Variants in ZNF566 observed in about 807,000 individuals in gnomAD.
ZNF566 encodes the protein zinc finger protein 566.
Under a neutral mutation model 32.8 loss-of-function variants are expected in ZNF566, and 27 were observed. The observed-to-expected ratio is 0.82, with a 90% CI of 0.61 to 1.14. ZNF566 has a LOEUF of 1.14. ZNF566 is among the 50% of genes most tolerant of loss of function. ZNF566 has a pLI of 0.00. For missense variants in ZNF566, 402 were observed against 490.4 expected (o/e 0.82, Z 1.70); for synonymous variants, 154 against 159.5 (o/e 0.97, Z 0.26).
At chr19:36,468,204 A>T (rs1430550857) in intron 4 of ZNF566, among the ~76,000 whole-genome samples, 1 of 151,302 alleles carries the variant, frequency 6.6e-6, no homozygotes, top group Non-Finnish European at 1.5e-5. Context: ...AAAAAAAAAA[A>T]ATTAAAGTTT....
In ZNF566 at chr19:36,447,829, C is replaced by T. The variant is rs1050028552; in HGVS notation, c.*1148G>A. ...ATGGGAAATTTTCTTAACTTGTTAC[C>T]TTCAAAGGGTCTTTCTTCAGTCAAA... On this transcript the variant is annotated 3_prime_UTR_variant, in exon 5 of 5. Transcript: ENST00000452939. 4.6e-5 allele frequency: 7 copies of T among 152,024 alleles called. No individual in the cohort carries two copies. The highest frequency in any genetic ancestry group is 7.4e-5 in the Non-Finnish European group (5 of 68,008). 9.4% of individuals were successfully genotyped at this position (152,024 alleles called of 1,614,324 possible).
At chr19:36,456,652 A>G (rs2033323160) in intron 4 of ZNF566, 1 of 152,132 alleles carries the variant, frequency 6.6e-6, no homozygotes, top group South Asian at 2.1e-4. Flanking sequence ...TGATGGGTGC[A>G]GCAAACCACC....
rs1470531598 is a variant in ZNF566, at chr19:36,446,976, A to C, written c.*2001T>G. 6.7e-6 allele frequency: 1 copy of C among 150,218 alleles called. No homozygotes were observed. Among genetic ancestry groups the C allele is most frequent in the Non-Finnish European group, 1.5e-5 (1 of 67,804 alleles). 9.3% of individuals were successfully genotyped at this position (150,218 alleles called of 1,614,324 possible). On this transcript the variant is annotated 3_prime_UTR_variant, in exon 5 of 5. Coordinates refer to ENST00000452939, the MANE Select transcript of ZNF566 (RefSeq NM_001145344.1). ...CATGTTTTGAGCACAGGGAAGGCCC[A>C]TTTCAAAACACTAACTTAACCCCAA... is the stretch of plus-strand genomic sequence containing the variant.
intron 4 of ZNF566, among the ~76,000 whole-genome samples, chr19:36,450,341 A>G (rs182400372): frequency 6.6e-6 from 1 of 152,314 alleles, no homozygotes; most frequent in Admixed American, 6.5e-5. Flanking sequence ...ATCTCATAGT[A>G]TGAATTATAA....
chr19:36,468,185 C>CAA (rs34868021), intron 4 of ZNF566, among the ~76,000 whole-genome samples: 1 of 101,550 alleles, frequency 9.8e-6, no homozygotes, highest in Non-Finnish European at 2.0e-5. Flanking sequence ...AACTCTGCCT[C>CAA]AAAAAAAAAA....
chr19:36,484,593 T>TG lies in ZNF566; in HGVS notation c.-60+4892_-60+4893insC, dbSNP rs1388478945. 1.0e-4 allele frequency among the ~76,000 whole-genome samples: 15 copies of TG among 144,300 alleles called. No homozygotes were observed. In the East Asian group the frequency reaches 2.6e-3, roughly 25 times the overall value. 94.7% of individuals were successfully genotyped at this position (144,300 alleles called of 152,430 possible). ...TAGGATTTTGGCATAGTTTCTTTTT[T>TG]TTTTTTTTTTTTTTGAGATGGAGTC... On this transcript the variant is annotated intron_variant, in intron 1 of 4. Coordinates refer to ENST00000452939, the MANE Select transcript of ZNF566 (RefSeq NM_001145344.1).
At chr19:36,482,792 T>C (rs1268489445) in intron 1 of ZNF566, among the ~76,000 whole-genome samples, 2 of 152,198 alleles carry the variant, frequency 1.3e-5, no homozygotes, top group Admixed American at 6.5e-5. Flanking sequence ...CAATTCTCCA[T>C]GGGTCTTGCA....
At chr19:36,482,370 G>A (rs1263699357) in intron 1 of ZNF566, among the ~76,000 whole-genome samples, 3 of 151,890 alleles carry the variant, frequency 2.0e-5, no homozygotes. Context: ...CTCCCAAAGT[G>A]TTGGGATTAC....
At position 36,449,185 on chromosome 19, in the gene ZNF566, G is replaced by A. The variant is rs1270180261; in HGVS notation, c.1049C>T (p.Ser350Phe). ...CTGATGTCTAGTAAGGTCTGAGCCA[G>A]AACGAAAAGCCTTTTCACATTCCTT... ...ECKECEKAFR[S>F]GSDLTRHQRI... Residue 350 changes from serine to phenylalanine, a missense_variant, in exon 5 of 5, where the codon TCT (serine) becomes TTT (phenylalanine). This residue lies in a region of ZNF566 where 135 missense variants were observed against 210.0 expected (regional missense o/e 0.64). Coordinates refer to ENST00000452939, the MANE Select transcript of ZNF566 (RefSeq NM_001145344.1). 1.2e-6 allele frequency: 2 copies of A among 1,613,140 alleles called. No homozygotes were observed. The highest frequency in any genetic ancestry group is 2.7e-5 in the African/African-American group (2 of 74,660).
At chr19:36,477,549 G>GT (rs2033925365) in intron 1 of ZNF566, among the ~76,000 whole-genome samples, 1 of 118,838 alleles carries the variant, frequency 8.4e-6, no homozygotes, top group Non-Finnish European at 1.7e-5. Flanking sequence ...TTGTTTGTTT[G>GT]TTTTTTTGAG....
At position 36,449,585 on chromosome 19, in the gene ZNF566, G is replaced by C; in HGVS notation, c.649C>G (p.His217Asp). 1 of 1,614,156 alleles carries C rather than the reference G, an allele frequency of 6.2e-7. No individual in the cohort carries two copies. Among genetic ancestry groups the C allele is most frequent in the South Asian group, 1.1e-5 (1 of 91,080 alleles). ...SFRHPSRLTH[H>D]QKIHTGKKPF... Reference sequence around the variant, plus strand: ...TTCTTGCCAGTATGAATTTTCTGATGATGAGTGAGTCTTGAGGGATGTCTA... The same window carrying C: ...TTCTTGCCAGTATGAATTTTCTGATCATGAGTGAGTCTTGAGGGATGTCTA... The change falls in exon 5 of 5, where the codon CAT becomes GAT. Residue 217 changes from histidine to aspartate, a missense_variant. Around this residue, in one of 3 missense-constraint regions of ZNF566, gnomAD observed 135 missense variants for 210.0 expected, o/e 0.64. Coordinates refer to ENST00000452939, the MANE Select transcript of ZNF566 (RefSeq NM_001145344.1).
chr19:36,457,273 G>A (rs2033340744), intron 4 of ZNF566, among the ~76,000 whole-genome samples: 2 of 152,026 alleles, frequency 1.3e-5, no homozygotes, highest in South Asian at 4.2e-4. Flanking sequence ...ACTTAAACAT[G>A]AGACACAAAA....
chr19:36,463,370 C>T (rs2033527379), intron 4 of ZNF566, among the ~76,000 whole-genome samples: 1 of 151,876 alleles, frequency 6.6e-6, no homozygotes. Flanking sequence ...AATAAAATAT[C>T]AAATGAACTA....
chr19:36,471,811 T>C (rs1270872947), intron 4 of ZNF566, among the ~76,000 whole-genome samples: 1 of 152,100 alleles, frequency 6.6e-6, no homozygotes. Context: ...GGCGTAATCT[T>C]GGCTCACTGC....
At chr19:36,487,897 CAAAAAAAAAAAAAAA>C (rs201784748) in intron 1 of ZNF566, among the ~76,000 whole-genome samples, 20 of 75,514 alleles carry the variant, frequency 2.6e-4, no homozygotes, top group Non-Finnish European at 3.0e-4. Flanking sequence ...GACTCTGTCT[CAAAAAAAAAAAAAAA>C]AAAAAAAAAA....
chr19:36,454,561 C>T (rs1439980180), intron 4 of ZNF566, among the ~76,000 whole-genome samples: 1 of 151,962 alleles, frequency 6.6e-6, no homozygotes, highest in African/African-American at 2.4e-5. Context: ...TTTAAAACAA[C>T]AACAACAACA....
intron 4 of ZNF566, among the ~76,000 whole-genome samples, chr19:36,462,984 A>AAAAAAAAAAAAAAAC (rs2033513260): frequency 6.7e-6 from 1 of 148,852 alleles, no homozygotes; most frequent in Non-Finnish European, 1.5e-5. Flanking sequence ...AAAAAAAAAA[A>AAAAAAAAAAAAAAAC]AAAAAATCCC....
chr19:36,466,714 T>C (rs2033621793), intron 4 of ZNF566, among the ~76,000 whole-genome samples: 1 of 152,188 alleles, frequency 6.6e-6, no homozygotes, highest in Non-Finnish European at 1.5e-5. Context: ...AAGATACTTG[T>C]AGTTTGTAGA....
chr19:36,464,017 C>T (rs2033550084), intron 4 of ZNF566, among the ~76,000 whole-genome samples: 1 of 152,084 alleles, frequency 6.6e-6, no homozygotes, highest in African/African-American at 2.4e-5. Context: ...TGAGCCACCA[C>T]ACCCGGCCAA....
Sources: gnomAD v4.1 joint callset for allele counts (sites outside exome capture counted in the v4.1 genomes callset) on GRCh38, gnomAD v4.1.1 for gene constraint, gnomAD v4.1.1 regional missense constraint, MANE v1.5 for transcripts, NCBI Gene and HGNC (gene_info 2026-07-23, HGNC 2026-07-21) for gene names.